PMM2: variants seen among roughly 807,000 people sequenced by gnomAD.
The protein encoded by PMM2 is phosphomannomutase 2, also known as mannose-6-phosphate isomerase.
Under a neutral mutation model 33.2 loss-of-function variants are expected in PMM2, and 35 were observed. The observed-to-expected ratio is 1.06, with a 90% confidence interval of 0.81 to 1.40. The LOEUF (loss-of-function observed/expected upper bound fraction) is 1.40. Ranked by LOEUF, PMM2 falls within the 40% of genes most tolerant of loss-of-function variation. The probability of loss-of-function intolerance (pLI) is 0.00; values close to 1 mark genes in which losing one functional copy is unlikely to be tolerated. For synonymous variants in PMM2, 153 were observed against 114.7 expected (o/e 1.33, Z -2.13); for missense variants, 386 against 306.0 (o/e 1.26, Z -1.95).
At chr16:8,816,967 A>G (rs193113288) in intron 7 of PMM2, among the ~76,000 whole-genome samples, 1 of 152,290 alleles carries the variant, frequency 6.6e-6, no homozygotes, top group Non-Finnish European at 1.5e-5. Flanking sequence ...AAAATAAAAT[A>G]AAGACAGGGT....
intron 7 of PMM2, chr16:8,832,180 A>G: frequency 2.0e-6 from 2 of 985,400 alleles, no homozygotes; most frequent in Non-Finnish European, 2.4e-6. Flanking sequence ...GAAGGAGCCC[A>G]CCATGCTCTG....
intron 7 of PMM2, chr16:8,832,887 C>T: frequency 1.0e-6 from 1 of 985,442 alleles, no homozygotes; most frequent in Non-Finnish European, 1.2e-6. Flanking sequence ...CCAGGGTTCC[C>T]TCACCCTCCA....
At chr16:8,811,029 C>A in intron 4 of PMM2, 50 bp from the exon 5 acceptor site, 1 of 1,061,226 alleles carries the variant, frequency 9.4e-7, no homozygotes, top group Non-Finnish European at 1.4e-6. Flanking sequence ...CTATGTTGCC[C>A]AAATGAATAA....
rs2060945466 is a variant in PMM2 at position 8,848,689 on chromosome 16, G to A, written c.*864G>A. On this transcript the variant is annotated 3_prime_UTR_variant, in exon 8 of 8. Transcript: ENST00000268261. ...TCAGACTTCACCAAAAGGACTTTCT[G>A]GTTGCCCCTGGCTGGCTTCCTGGAG... The A allele has an allele frequency of 6.6e-6, 1 of 152,188 alleles. No individual in the cohort carries two copies. Among genetic ancestry groups the A allele is most frequent in the Non-Finnish European group, 1.5e-5 (1 of 68,068 alleles). 9.4% of individuals were successfully genotyped at this position (152,188 alleles called of 1,614,324 possible).
intron 7 of PMM2, among the ~76,000 whole-genome samples, chr16:8,844,141 G>A (rs1354033809): frequency 6.6e-6 from 1 of 152,166 alleles, no homozygotes; most frequent in Non-Finnish European, 1.5e-5. Context: ...AACTACTGTC[G>A]AGTTTGTATT....
intron 7 of PMM2, among the ~76,000 whole-genome samples, chr16:8,843,554 G>A (rs1347489720): frequency 1.3e-5 from 2 of 152,090 alleles, no homozygotes; most frequent in African/African-American, 4.8e-5. Context: ...CAAGCTCCTG[G>A]GGGAGGAGGT....
chr16:8,825,182 C>A (rs1043105810), intron 7 of PMM2, among the ~76,000 whole-genome samples: 1 of 152,118 alleles, frequency 6.6e-6, no homozygotes, highest in Non-Finnish European at 1.5e-5. Flanking sequence ...AGGCGTGTGC[C>A]ACCACGCCTG....
intron 7 of PMM2, among the ~76,000 whole-genome samples, chr16:8,827,748 A>ATT (rs1300536219): frequency 2.7e-4 from 13 of 48,932 alleles, no homozygotes; most frequent in East Asian, 1.4e-3. Flanking sequence ...ATATATATAT[A>ATT]TATATATATA....
chr16:8,812,842 C>T, intron 6 of PMM2, 149 bp from the exon 7 acceptor site: 1 of 674,396 alleles, frequency 1.5e-6, no homozygotes, highest in East Asian at 2.7e-5. Flanking sequence ...AGAACCTATG[C>T]ATGAAGTAGT....
intron 3 of PMM2, among the ~76,000 whole-genome samples, chr16:8,805,731 A>G (rs978412973): frequency 1.3e-5 from 2 of 151,952 alleles, no homozygotes; most frequent in Non-Finnish European, 2.9e-5. Context: ...GTGGGATTAC[A>G]GGCATCCACC....
intron 7 of PMM2, among the ~76,000 whole-genome samples, chr16:8,840,819 C>A (rs1256364933): frequency 6.6e-6 from 1 of 151,892 alleles, no homozygotes; most frequent in Non-Finnish European, 1.5e-5. Flanking sequence ...TTTGAGGAGT[C>A]AGATTAACAA....
chr16:8,805,755 C>G (rs1596486258), intron 3 of PMM2, among the ~76,000 whole-genome samples: 1 of 151,926 alleles, frequency 6.6e-6, no homozygotes, highest in Middle Eastern at 3.4e-3. Context: ...ATGCCCGGCT[C>G]ATTTTTGTAT....
At chr16:8,831,217 G>A (rs139419150) in intron 7 of PMM2, among the ~76,000 whole-genome samples, 1 of 152,352 alleles carries the variant, frequency 6.6e-6, no homozygotes, top group Non-Finnish European at 1.5e-5. Context: ...GAATGAACAA[G>A]GACAGCTTGG....
intron 7 of PMM2, among the ~76,000 whole-genome samples, chr16:8,815,814 G>A (rs530789419): frequency 4.6e-5 from 7 of 152,240 alleles, no homozygotes; most frequent in South Asian, 2.1e-4. Context: ...GTTGGACAAC[G>A]TCAAACTAAA....
rs935962174 is a variant in PMM2 at position 8,801,911 on chromosome 16, G to A, written c.178+1G>A. 6.4e-6 allele frequency: 10 copies of A among 1,568,726 alleles called. No individual in the cohort carries two copies. The highest frequency in any genetic ancestry group is 1.7e-4 in the Middle Eastern group (1 of 5,988). On this transcript the variant is annotated splice_donor_variant, in intron 2 of 7. Coordinates refer to ENST00000268261, the MANE Select transcript of PMM2 (RefSeq NM_000303.3). LOFTEE classifies it high-confidence loss of function. ...GTGCAGGAGCAACTGGGAAATGATG[G>A]TAAATGATGGGTTGCTAATTACATC...
At chr16:8,811,402 C>T (rs542452016) in intron 5 of PMM2, among the ~76,000 whole-genome samples, 42 of 152,266 alleles carry the variant, frequency 2.8e-4, no homozygotes, top group African/African-American at 8.7e-4. Context: ...CACCTGTGGT[C>T]CCGGCTATTT....
At chr16:8,809,447 T>C (rs549896757) in intron 4 of PMM2, 1 of 152,168 alleles carries the variant, frequency 6.6e-6, no homozygotes, top group African/African-American at 2.4e-5. Context: ...GTTGTGGGGT[T>C]TTTGTTTGTT....
At chr16:8,829,904 A>C (rs967681722) in intron 7 of PMM2, among the ~76,000 whole-genome samples, 2 of 152,254 alleles carry the variant, frequency 1.3e-5, no homozygotes, top group African/African-American at 4.8e-5. Context: ...GTATTCCTCC[A>C]AACAAGTCCC....
At chr16:8,803,911 C>G (rs986575038) in intron 2 of PMM2, among the ~76,000 whole-genome samples, 4 of 150,382 alleles carry the variant, frequency 2.7e-5, no homozygotes, top group Non-Finnish European at 5.9e-5. Flanking sequence ...CTTGAACTTG[C>G]GACCTCAGGT....
Sources: allele counts gnomAD v4.1 joint callset (sites outside exome capture counted in the v4.1 genomes callset), GRCh38; gene constraint gnomAD v4.1.1; transcripts MANE v1.5; gene names NCBI Gene and HGNC (gene_info 2026-07-23, HGNC 2026-07-21).